Variants in HNRNPM observed in about 807,000 individuals in gnomAD.
The protein encoded by HNRNPM is heterogeneous nuclear ribonucleoprotein M.
In HNRNPM, 11 loss-of-function variants were observed where a neutral mutation model predicts 73.1. That is an observed-to-expected ratio of 0.15 (90% CI 0.09 to 0.25). The LOEUF is 0.25. HNRNPM is among the 10% of genes least tolerant of loss of function. The pLI, the probability that HNRNPM is intolerant of heterozygous loss-of-function variation, is 1.00. For missense variants in HNRNPM, 789 were observed against 1,067.9 expected (o/e 0.74, Z 3.64); for synonymous variants, 407 against 355.2 (o/e 1.15, Z -1.64).
At chr19:8,471,230 A>G (rs1970111737) in intron 9 of HNRNPM, 96 bp from the exon 10 acceptor site, 1 of 640,668 alleles carries the variant, frequency 1.6e-6, no homozygotes, top group African/African-American at 1.9e-5. Flanking sequence ...GGGTAGGCTG[A>G]AGTGGATAGC....
In HNRNPM at chr19:8,463,386, G is replaced by A. The variant is rs971831874; in HGVS notation, c.337-111G>A. 22 of 1,228,264 alleles carry A rather than the reference G, an allele frequency of 1.8e-5. No homozygotes were observed. In the Admixed American group the frequency reaches 3.9e-4, roughly 22 times the overall value. The allele number at this position is 1,228,264 out of a possible 1,614,324, so 76.1% of individuals were successfully genotyped here. Reference sequence around the variant, plus strand: ...GTTCATTTTAAAAGACTAACTTTGTGACATAAATCATATTTTTAGTTTGTT... The same window carrying A: ...GTTCATTTTAAAAGACTAACTTTGTAACATAAATCATATTTTTAGTTTGTT... On this transcript the variant is annotated intron_variant, in intron 3 of 15. Coordinates refer to ENST00000325495, the MANE Select transcript of HNRNPM (RefSeq NM_005968.5).
Position 8,485,923 on chromosome 19 carries a change from G to A in HNRNPM, c.1495G>A (p.Ala499Thr), listed in dbSNP as rs757529430. 3.4e-5 allele frequency: 55 copies of A among 1,605,166 alleles called. No homozygotes were observed. Among genetic ancestry groups the A allele is most frequent in the Admixed American group, 6.7e-5 (4 of 59,906 alleles). ...GMGFGLERMA[A>T]PIDRVGQTIE... is the part of the protein sequence containing the mutation. ...GGGCTTCGGCCTTGAGCGCATGGCCGCTCCCATCGACCGTGTGGGCCAGAC... is the reference window on the plus strand; with the variant it reads ...GGGCTTCGGCCTTGAGCGCATGGCCACTCCCATCGACCGTGTGGGCCAGAC... The change falls in exon 14 of 16, where the codon GCT becomes ACT. Residue 499 changes from alanine to threonine, a missense_variant. By Grantham distance (58) the Ala-to-Thr change is moderately conservative. Around this residue, in one of 4 missense-constraint regions of HNRNPM, gnomAD observed 604 missense variants for 744.0 expected, o/e 0.81. Transcript: ENST00000325495.
At chr19:8,478,304 G>T (rs1012594084) in intron 12 of HNRNPM, among the ~76,000 whole-genome samples, 7 of 152,210 alleles carry the variant, frequency 4.6e-5, no homozygotes, top group Non-Finnish European at 8.8e-5. Context: ...TGACTTGGTG[G>T]TGGCTGTCGT....
intron 10 of HNRNPM, among the ~76,000 whole-genome samples, chr19:8,472,172 GA>G (rs34058302): frequency 0.32 from 27,071 of 83,622 alleles, 2,908 homozygotes; most frequent in East Asian, 0.54. Flanking sequence ...TCCGTCTCCA[GA>G]AAAAAAAAAA....
At chr19:8,447,906 G>A (rs956267737) in intron 1 of HNRNPM, among the ~76,000 whole-genome samples, 2 of 152,114 alleles carry the variant, frequency 1.3e-5, no homozygotes, top group African/African-American at 4.8e-5. Context: ...GGCTCCTGTA[G>A]TCTCAGCCAC....
intron 12 of HNRNPM, among the ~76,000 whole-genome samples, chr19:8,477,103 G>A (rs1008292569): frequency 4.6e-5 from 7 of 152,118 alleles, no homozygotes; most frequent in African/African-American, 1.7e-4. Flanking sequence ...AATGCAAGGT[G>A]TTCATTACAT....
intron 2 of HNRNPM, among the ~76,000 whole-genome samples, chr19:8,458,084 A>G (rs1173599009): frequency 6.6e-6 from 1 of 152,222 alleles, no homozygotes; most frequent in Non-Finnish European, 1.5e-5. Flanking sequence ...CTCAGAACTA[A>G]AGTAGCTAGC....
intron 1 of HNRNPM, among the ~76,000 whole-genome samples, chr19:8,453,072 T>C (rs1226446597): frequency 6.6e-6 from 1 of 152,130 alleles, no homozygotes; most frequent in Non-Finnish European, 1.5e-5. Context: ...TAAGTAAGAT[T>C]CTCCTGCCTT....
At chr19:8,452,491 T>C (rs899921959) in intron 1 of HNRNPM, among the ~76,000 whole-genome samples, 1 of 152,196 alleles carries the variant, frequency 6.6e-6, no homozygotes, top group Non-Finnish European at 1.5e-5. Flanking sequence ...CAGACTTTGG[T>C]GAAGGACTTT....
At chr19:8,459,475 T>G (rs1969250695) in intron 2 of HNRNPM, among the ~76,000 whole-genome samples, 1 of 152,274 alleles carries the variant, frequency 6.6e-6, no homozygotes, top group Non-Finnish European at 1.5e-5. Flanking sequence ...GCATGTGTTC[T>G]GTGCACTCCC....
chr19:8,465,260 T>G, intron 5 of HNRNPM, 64 bp from the exon 6 acceptor site: 1 of 1,232,528 alleles, frequency 8.1e-7, no homozygotes, highest in Non-Finnish European at 1.1e-6. Context: ...TATCATTTAC[T>G]GTGCAAGCAT....
rs1373590059 is a variant in HNRNPM, at chr19:8,483,168, T to G, written c.1131T>G (p.Ser377Arg). ...TCCTGATTTCCTTAGAAATCCTAAG[T>G]AATGCACTGAAGAGAGGAGAGATCA... ...MNMGRINEIL[S>R]NALKRGEIIA... is the part of the protein sequence containing the mutation. The change falls in exon 13 of 16, where the codon AGT becomes AGG. Residue 377 changes from serine to arginine, a missense_variant. By Grantham distance (110) the Ser-to-Arg change is moderately radical. This residue lies in a region of HNRNPM where 604 missense variants were observed against 744.0 expected (regional missense o/e 0.81). Coordinates refer to ENST00000325495, the MANE Select transcript of HNRNPM (RefSeq NM_005968.5). 2 of 1,610,134 alleles carry G rather than the reference T, an allele frequency of 1.2e-6. No individual in the cohort carries two copies. Among genetic ancestry groups the G allele is most frequent in the African/African-American group, 1.3e-5 (1 of 74,744 alleles).
At chr19:8,445,835 A>G (rs1428686112) in intron 1 of HNRNPM, among the ~76,000 whole-genome samples, 1 of 152,250 alleles carries the variant, frequency 6.6e-6, no homozygotes. Flanking sequence ...CCTCGGAAGC[A>G]GACAGATACG....
Position 8,486,178 on chromosome 19 carries a change from A to G in HNRNPM, c.1750A>G (p.Met584Val). ...NSLERMGLERMGANSLERMGP... is the reference protein window; with the variant it reads ...NSLERMGLERVGANSLERMGP... ...CCTCGAGCGCATGGGCCTGGAGCGC[A>G]TGGGTGCCAACAGCCTCGAGCGCAT... Residue 584 changes from methionine to valine, a missense_variant, in exon 14 of 16, where the codon ATG (methionine) becomes GTG (valine). Met to Val is a conservative substitution (Grantham distance 21). Transcript: ENST00000325495. The G allele has an allele frequency of 6.3e-7, 1 of 1,584,640 alleles. No individual in the cohort carries two copies. The highest frequency in any genetic ancestry group is 8.6e-7 in the Non-Finnish European group (1 of 1,164,130).
At position 8,487,018 on chromosome 19, in the gene HNRNPM, C is replaced by G. The variant is rs1360574324; in HGVS notation, c.1978-6C>G. On this transcript the variant is annotated splice_region_variant and splice_polypyrimidine_tract_variant and intron_variant, in intron 14 of 15. Transcript: ENST00000325495. ...GCATCAGTCTCCCTTTTCTTCTCCC[C>G]TTCAGCTGCCATTCGATTTCACATG... The G allele has an allele frequency of 1.2e-6, 2 of 1,612,700 alleles. No homozygotes were observed. The highest frequency in any genetic ancestry group is 2.7e-5 in the African/African-American group (2 of 74,910).
intron 1 of HNRNPM, among the ~76,000 whole-genome samples, chr19:8,452,202 ATTAT>A (rs1011429349): frequency 2.0e-5 from 3 of 152,194 alleles, no homozygotes; most frequent in African/African-American, 4.8e-5. Flanking sequence ...TTTGGCTGTA[ATTAT>A]TTATTTATAC....
At chr19:8,468,577 A>G (rs1341289199) in intron 8 of HNRNPM, among the ~76,000 whole-genome samples, 197 bp from the exon 9 acceptor site, 1 of 152,122 alleles carries the variant, frequency 6.6e-6, no homozygotes, top group Non-Finnish European at 1.5e-5. Flanking sequence ...ATCCCCCACA[A>G]TAATATCCAT....
At position 8,488,682 on chromosome 19, in the gene HNRNPM, C is replaced by G; in HGVS notation, c.2030-9C>G. 4 of 1,606,344 alleles carry G rather than the reference C, an allele frequency of 2.5e-6. No homozygotes were observed. The highest frequency in any genetic ancestry group is 1.1e-5 in the South Asian group (1 of 90,548). On this transcript the variant is annotated splice_polypyrimidine_tract_variant and intron_variant, in intron 15 of 15. Transcript: ENST00000325495. Reference sequence around the variant, plus strand: ...CTGAGTGTCGTCTCTTCTTCCCTCCCTGTCCTAGGCCACGTGCTGTACGCC... The same window carrying G: ...CTGAGTGTCGTCTCTTCTTCCCTCCGTGTCCTAGGCCACGTGCTGTACGCC...
chr19:8,471,209 T>A, intron 9 of HNRNPM, 117 bp from the exon 10 acceptor site: 1 of 492,544 alleles, frequency 2.0e-6, no homozygotes, highest in Non-Finnish European at 3.6e-6. Context: ...AGGTCACTGG[T>A]GGGTGGGGGT....
Sources: allele counts gnomAD v4.1 joint callset (sites outside exome capture counted in the v4.1 genomes callset), GRCh38; gene constraint gnomAD v4.1.1; regional missense constraint gnomAD v4.1.1; transcripts MANE v1.5; gene names NCBI Gene and HGNC (gene_info 2026-07-23, HGNC 2026-07-21).